LARGE1: variants seen among roughly 807,000 people sequenced by gnomAD.
LARGE1 encodes LARGE xylosyl- and glucuronyltransferase 1.
In LARGE1, 43 loss-of-function variants were observed where a neutral mutation model predicts 87.6. The ratio of observed to expected loss-of-function variants is 0.49; its 90% CI spans 0.38 to 0.63. The LOEUF is 0.63. Ranked by LOEUF, LARGE1 falls within the 30% of genes least tolerant of loss-of-function variation. LARGE1 has a pLI of 0.00. For missense variants in LARGE1, 802 were observed against 1,000.2 expected, an observed-to-expected ratio of 0.80 and a Z score of 2.67; for synonymous variants, 434 against 394.6, an observed-to-expected ratio of 1.10 and a Z score of -1.18.
chr22:33,458,743 A>G (rs182652342), intron 6 of LARGE1, among the ~76,000 whole-genome samples: 7 of 152,194 alleles, frequency 4.6e-5, no homozygotes, highest in Admixed American at 3.3e-4. Flanking sequence ...TTACTTTTTT[A>G]TTAGGAACTA....
the LARGE1 span, among the ~76,000 whole-genome samples, chr22:33,133,851 TC>T: frequency 6.6e-6 from 1 of 151,994 alleles, no homozygotes. Flanking sequence ...ATCTGTTGTT[TC>T]TGAGCCAGGG....
At chr22:33,818,054 C>T (rs141913334) in intron 1 of LARGE1, among the ~76,000 whole-genome samples, 56 of 152,188 alleles carry the variant, frequency 3.7e-4, no homozygotes, top group African/African-American at 1.3e-3. Flanking sequence ...CTAATTTAAC[C>T]TTGGACAGGT....
At chr22:33,559,841 C>T (rs966289872) in intron 6 of LARGE1, among the ~76,000 whole-genome samples, 1 of 152,110 alleles carries the variant, frequency 6.6e-6, no homozygotes, top group African/African-American at 2.4e-5. Context: ...GATTTTATTT[C>T]TCGAATCCTG....
chr22:33,253,494 T>A (rs976255112), intron 11 of LARGE1, among the ~76,000 whole-genome samples: 8 of 152,162 alleles, frequency 5.3e-5, no homozygotes, highest in Non-Finnish European at 1.0e-4. Context: ...GGCAGATCAC[T>A]TAAGGTCAGG....
At chr22:33,622,150 T>G (rs764195418) in intron 4 of LARGE1, among the ~76,000 whole-genome samples, 11 of 152,120 alleles carry the variant, frequency 7.2e-5, no homozygotes, top group African/African-American at 1.2e-4. Context: ...CACCCAAATC[T>G]CATTTCGAAT....
In LARGE1 at chr22:33,709,979, GAAAAAAAAAAA is replaced by G. The variant is rs5845106; in HGVS notation, c.106+51381_106+51391del. ...TCTCTCATCAGACCTTTGCTAGGCA[GAAAAAAAAAAA>G]AAAAAAAAAAGGAAAACTTCATCAT... On this transcript the variant is annotated intron_variant, in intron 2 of 14. Transcript: ENST00000397394. Among the ~76,000 whole-genome samples the G allele has an allele frequency of 9.0e-5, 8 of 88,792 alleles. No individual in the cohort carries two copies. In the Admixed American group the frequency reaches 9.9e-4, roughly 11 times the overall value. The allele number at this position is 88,792 out of a possible 152,430, so 58.3% of individuals were successfully genotyped here.
chr22:33,638,019 T>C (rs1255299257), intron 3 of LARGE1, among the ~76,000 whole-genome samples: 2 of 152,164 alleles, frequency 1.3e-5, no homozygotes, highest in African/African-American at 4.8e-5. Context: ...TTTCAGGGCC[T>C]GAAATTTAAA....
At chr22:33,070,274 AATATTTGTTTAATATACATAT>A in the LARGE1 span, among the ~76,000 whole-genome samples, 11 of 152,198 alleles carry the variant, frequency 7.2e-5, no homozygotes, top group Non-Finnish European at 1.3e-4. Flanking sequence ...ATGTTCAGTA[AATATTTGTTTAATATACATAT>A]ATATTTGTTT....
intron 2 of LARGE1, among the ~76,000 whole-genome samples, chr22:33,663,658 A>C (rs1456516096): frequency 6.6e-6 from 1 of 152,142 alleles, no homozygotes; most frequent in Non-Finnish European, 1.5e-5. Context: ...TGATTGGCCA[A>C]GAGGATATCC....
intron 9 of LARGE1, among the ~76,000 whole-genome samples, chr22:33,339,285 T>C (rs1601512128): frequency 8.6e-6 from 1 of 116,936 alleles, no homozygotes; most frequent in Non-Finnish European, 1.6e-5. Context: ...ATGTGTTGTG[T>C]TGGGGTGGGG....
At chr22:33,131,931 A>G in the LARGE1 span, among the ~76,000 whole-genome samples, 1 of 152,190 alleles carries the variant, frequency 6.6e-6, no homozygotes, top group African/African-American at 2.4e-5. Context: ...GCAGAAGGCA[A>G]GGAGGAGAAA....
the LARGE1 span, among the ~76,000 whole-genome samples, chr22:33,131,272 C>T: frequency 6.6e-6 from 1 of 152,104 alleles, no homozygotes; most frequent in African/African-American, 2.4e-5. Flanking sequence ...CTTTTGTCCC[C>T]ATCCCTCTCT....
chr22:33,266,315 C>T (rs767192120), intron 11 of LARGE1, among the ~76,000 whole-genome samples: 5 of 149,076 alleles, frequency 3.4e-5, no homozygotes, highest in African/African-American at 7.6e-5. Context: ...TCCACCTCCT[C>T]GGTTCAAGCG....
At chr22:33,795,442 G>C (rs1372390065) in intron 1 of LARGE1, among the ~76,000 whole-genome samples, 1 of 152,154 alleles carries the variant, frequency 6.6e-6, no homozygotes, top group African/African-American at 2.4e-5. Context: ...GGGAGAGAGA[G>C]AGACAAAGAG....
the LARGE1 span, among the ~76,000 whole-genome samples, chr22:33,125,967 C>T: frequency 1.3e-5 from 2 of 152,066 alleles, no homozygotes; most frequent in South Asian, 2.1e-4. Context: ...AGGCTGGTCT[C>T]GAATTCCTGA....
At chr22:33,342,691 C>T (rs931150149) in intron 9 of LARGE1, among the ~76,000 whole-genome samples, 11 of 152,148 alleles carry the variant, frequency 7.2e-5, no homozygotes, top group Non-Finnish European at 1.0e-4. Flanking sequence ...CACAACCCAC[C>T]GCAAGCCGTC....
chr22:33,271,676 A>G (rs984983263), downstream of LARGE1, among the ~76,000 whole-genome samples: 3 of 152,246 alleles, frequency 2.0e-5, no homozygotes, highest in African/African-American at 7.2e-5. Flanking sequence ...CCTCTGCCCA[A>G]ATGGCTACAG....
chr22:33,277,081 A>G lies in LARGE1; in HGVS notation c.2052T>C (p.His684=), dbSNP rs760115944. 2 of 1,614,064 alleles carry G rather than the reference A, an allele frequency of 1.2e-6. No homozygotes were observed. The highest frequency in any genetic ancestry group is 2.7e-5 in the African/African-American group (2 of 74,922). Residue 684 remains histidine (H), a synonymous_variant, in exon 14 of 15, where the codon CAT becomes CAC. Coordinates refer to ENST00000397394, the MANE Select transcript of LARGE1 (RefSeq NM_133642.5). ...TCACCTGCACATCCAGCTCCATGAT[A>G]TGAGCCACTTTGTTCCAGCCAAAGC... ...FVGFGWNKVA[H]IMELDVQEYE...
chr22:33,475,613 C>T (rs1273151910), intron 6 of LARGE1, among the ~76,000 whole-genome samples: 1 of 151,990 alleles, frequency 6.6e-6, no homozygotes, highest in African/African-American at 2.4e-5. Flanking sequence ...AGGCATGCAC[C>T]ACGACACCTG....
Sources: allele counts gnomAD v4.1 joint callset (sites outside exome capture counted in the v4.1 genomes callset), GRCh38; gene constraint gnomAD v4.1.1; transcripts MANE v1.5; gene names NCBI Gene and HGNC (gene_info 2026-07-23, HGNC 2026-07-21).